The following SAMD12 variants were observed in gnomAD, a reference collection of about 807,000 sequenced individuals.
SAMD12 encodes sterile alpha motif domain-containing protein 12.
Under a neutral mutation model 15.0 loss-of-function variants are expected in SAMD12, and 9 were observed. The observed-to-expected ratio is 0.60, with a 90% CI of 0.36 to 1.05. SAMD12 has a LOEUF of 1.05. Ranked by LOEUF, SAMD12 falls within the 50% of genes least tolerant of loss-of-function variation. SAMD12 has a pLI of 0.01. For missense variants in SAMD12, 230 were observed against 234.2 expected (o/e 0.98, Z 0.12); for synonymous variants, 86 against 90.1 (o/e 0.96, Z 0.25).
chr8:118,560,904 A>C (rs1346083496), intron 2 of SAMD12, among the ~76,000 whole-genome samples: 2 of 152,220 alleles, frequency 1.3e-5, no homozygotes, highest in Non-Finnish European at 2.9e-5. Context: ...TTAATGAGCA[A>C]ACAGTCAAAA....
intron 2 of SAMD12, among the ~76,000 whole-genome samples, chr8:118,541,334 T>C (rs1481001391): frequency 6.6e-6 from 1 of 152,206 alleles, no homozygotes; most frequent in Non-Finnish European, 1.5e-5. Context: ...AAATATTTTA[T>C]ATATATTTGT....
intron 2 of SAMD12, among the ~76,000 whole-genome samples, chr8:118,550,562 C>A (rs536681391): frequency 7.2e-5 from 11 of 152,206 alleles, no homozygotes; most frequent in African/African-American, 2.6e-4. Context: ...CGGTACCAGC[C>A]GCTGCAAAAT....
chr8:118,339,883 G>A lies in SAMD12; in HGVS notation c.433+39677C>T, dbSNP rs183047517. ...GGGTATGGGTGTGAACAGAGGCCAA[G>A]CACAGATGAAATGGTGTTTCTGAAT... On this transcript the variant is annotated intron_variant, in intron 4 of 4. Coordinates refer to the SAMD12 transcript ENST00000409003. Among the ~76,000 whole-genome samples the A allele has an allele frequency of 6.4e-3, 980 of 152,338 alleles. 12 individuals are homozygous for A. The highest frequency in any genetic ancestry group is 0.022 in the African/African-American group (928 of 41,592).
At chr8:118,540,155 T>C (rs1164556748) in intron 2 of SAMD12, among the ~76,000 whole-genome samples, 1 of 152,200 alleles carries the variant, frequency 6.6e-6, no homozygotes, top group Admixed American at 6.5e-5. Context: ...CTGTTCCAGA[T>C]GCCAGTTCTA....
rs79725561 is a variant in SAMD12, at chr8:118,407,149, C to G, written c.323-27449G>C. The stretch of plus-strand genomic sequence containing the variant: ...AACCATGGGTGTACAAATATTTCTT[C>G]AAGGTTCTGGTTTCAATTCTTTTAA... On this transcript the variant is annotated intron_variant, in intron 3 of 3. Transcript: ENST00000314727. Among the ~76,000 whole-genome samples the G allele has an allele frequency of 2.9e-3, 438 of 152,154 alleles. 6 individuals are homozygous for G. The highest frequency in any genetic ancestry group is 0.01 in the African/African-American group (421 of 41,490).
chr8:118,507,396 G>A (rs192195068), intron 2 of SAMD12, among the ~76,000 whole-genome samples: 7 of 151,772 alleles, frequency 4.6e-5, no homozygotes, highest in East Asian at 3.9e-4. Flanking sequence ...AGTTTAACAC[G>A]ACAATATCTA....
At chr8:118,359,756 G>A (rs1399017973) in intron 4 of SAMD12, among the ~76,000 whole-genome samples, 1 of 152,132 alleles carries the variant, frequency 6.6e-6, no homozygotes, top group Non-Finnish European at 1.5e-5. Context: ...AAATGACAGT[G>A]CTAAAAAAGT....
chr8:118,354,939 C>T (rs1399614079), intron 4 of SAMD12, among the ~76,000 whole-genome samples: 2 of 152,190 alleles, frequency 1.3e-5, no homozygotes, highest in Non-Finnish European at 2.9e-5. Flanking sequence ...AAATATTTCT[C>T]AGCAGAACAT....
chr8:118,253,768 A>G (rs1312359045), intron 4 of SAMD12, among the ~76,000 whole-genome samples: 1 of 152,194 alleles, frequency 6.6e-6, no homozygotes, highest in Admixed American at 6.5e-5. Flanking sequence ...AGACAATCTT[A>G]TCAATGGATT....
chr8:118,322,571 T>C (rs1816338761), intron 4 of SAMD12, among the ~76,000 whole-genome samples: 1 of 152,240 alleles, frequency 6.6e-6, no homozygotes, highest in Non-Finnish European at 1.5e-5. Flanking sequence ...CTTTTCTTCA[T>C]GTACTAAAAA....
intron 2 of SAMD12, among the ~76,000 whole-genome samples, chr8:118,544,801 C>T (rs1027853935): frequency 1.3e-5 from 2 of 152,166 alleles, no homozygotes; most frequent in Admixed American, 1.3e-4. Context: ...TCCAACTCTG[C>T]CTCCCTACAA....
intron 2 of SAMD12, among the ~76,000 whole-genome samples, chr8:118,464,359 C>T (rs1248852947): frequency 2.0e-5 from 3 of 152,034 alleles, no homozygotes; most frequent in Non-Finnish European, 4.4e-5. Flanking sequence ...CACTCGCCCA[C>T]GACAGTTGGA....
At chr8:118,317,044 G>A (rs1806608790) in intron 4 of SAMD12, among the ~76,000 whole-genome samples, 1 of 152,032 alleles carries the variant, frequency 6.6e-6, no homozygotes, top group Non-Finnish European at 1.5e-5. Flanking sequence ...TATAAGAAGA[G>A]GAAATTTGGA....
chr8:118,531,716 T>C (rs1482282101), intron 2 of SAMD12, among the ~76,000 whole-genome samples: 3 of 152,196 alleles, frequency 2.0e-5, no homozygotes, highest in African/African-American at 7.2e-5. Flanking sequence ...ACTCATGATT[T>C]GGCTCTCTGT....
the SAMD12 span, among the ~76,000 whole-genome samples, chr8:118,132,970 GTGTATATATATATATATATA>G: frequency 1.5e-3 from 101 of 67,532 alleles, 2 homozygotes; most frequent in Admixed American, 2.8e-3. Context: ...ATGTGTGTGT[GTGTATATATATATATATATA>G]TATATATATA....
At chr8:118,401,541 CT>C (rs3884378) in intron 3 of SAMD12, among the ~76,000 whole-genome samples, 256 of 140,160 alleles carry the variant, frequency 1.8e-3, no homozygotes, top group Middle Eastern at 7.2e-3. Context: ...CCTTCTTCTT[CT>C]TTTTTTTTTT....
chr8:118,576,505 C>T (rs531199255), intron 2 of SAMD12, among the ~76,000 whole-genome samples: 6 of 152,142 alleles, frequency 3.9e-5, no homozygotes, highest in Middle Eastern at 3.2e-3. Context: ...TTAGACTTCA[C>T]GGCTAAAGGC....
At chr8:118,590,734 T>C (rs1032881608) in intron 1 of SAMD12, among the ~76,000 whole-genome samples, 2 of 152,080 alleles carry the variant, frequency 1.3e-5, no homozygotes, top group African/African-American at 4.8e-5. Context: ...CAGGTTTCAA[T>C]AGAAAATCAC....
chr8:118,224,569 AC>A (rs1812147944), intron 4 of SAMD12, among the ~76,000 whole-genome samples: 1 of 152,212 alleles, frequency 6.6e-6, no homozygotes, highest in African/African-American at 2.4e-5. Context: ...TTCCCATAGG[AC>A]AGACAGCCAC....
Sources: gnomAD v4.1 joint callset for allele counts (sites outside exome capture counted in the v4.1 genomes callset) on GRCh38, gnomAD v4.1.1 for gene constraint, MANE v1.5 for transcripts, NCBI Gene and HGNC (gene_info 2026-07-23, HGNC 2026-07-21) for gene names.